UBXN7: variants seen among roughly 807,000 people sequenced by gnomAD.
The protein encoded by UBXN7 is UBX domain-containing protein 7.
Under a neutral mutation model 58.0 loss-of-function variants are expected in UBXN7, and 9 were observed. The observed-to-expected ratio is 0.16, with a 90% CI of 0.09 to 0.27. The LOEUF is 0.27. Ranked by LOEUF, UBXN7 falls within the 10% of genes least tolerant of loss-of-function variation. The probability of loss-of-function intolerance (pLI) is 1.00; values close to 1 mark genes in which losing one functional copy is unlikely to be tolerated. For missense variants in UBXN7, 328 were observed against 599.6 expected (o/e 0.55, Z 4.73); for synonymous variants, 208 against 205.0 (o/e 1.01, Z -0.12).
At chr3:196,410,851 C>T (rs1031158733) in intron 1 of UBXN7, among the ~76,000 whole-genome samples, 1 of 152,094 alleles carries the variant, frequency 6.6e-6, no homozygotes, top group South Asian at 2.1e-4. Flanking sequence ...TAATGGCTTT[C>T]TTCTGCTGCC....
intron 2 of UBXN7, among the ~76,000 whole-genome samples, chr3:196,406,269 G>GCCATCCT (rs1730158030): frequency 6.6e-6 from 1 of 152,052 alleles, no homozygotes; most frequent in Non-Finnish European, 1.5e-5. Context: ...TTGGGCTCAA[G>GCCATCCT]CCATCCTCCT....
At chr3:196,416,249 G>C (rs1730481917) in intron 1 of UBXN7, 1 of 152,136 alleles carries the variant, frequency 6.6e-6, no homozygotes, top group Admixed American at 6.6e-5. Context: ...AGACCAGCCT[G>C]GCCAACATGG....
At chr3:196,431,872 G>A in intron 1 of UBXN7, 2 of 364,762 alleles carry the variant, frequency 5.5e-6, no homozygotes, top group African/African-American at 4.3e-5. Context: ...GGCAGGCCGG[G>A]GACCGGGGCA....
At chr3:196,430,072 G>A (rs1449054088) in intron 1 of UBXN7, among the ~76,000 whole-genome samples, 1 of 152,082 alleles carries the variant, frequency 6.6e-6, no homozygotes, top group South Asian at 2.1e-4. Context: ...GTGGCTTTTA[G>A]GGCCAGGCGC....
At chr3:196,406,195 G>A (rs1039148117) in intron 2 of UBXN7, among the ~76,000 whole-genome samples, 9 of 151,852 alleles carry the variant, frequency 5.9e-5, no homozygotes, top group Non-Finnish European at 1.2e-4. Flanking sequence ...ACCACACCCG[G>A]CTAATTTTTG....
intron 2 of UBXN7, 70 bp downstream of exon 2, chr3:196,407,176 G>T: frequency 6.4e-7 from 1 of 1,566,890 alleles, no homozygotes; most frequent in South Asian, 1.2e-5. Context: ...AATCGACCTA[G>T]CTTTGATAAA....
chr3:196,383,354 A>G (rs1224675186), intron 5 of UBXN7, among the ~76,000 whole-genome samples: 1 of 152,128 alleles, frequency 6.6e-6, no homozygotes, highest in African/African-American at 2.4e-5. Flanking sequence ...TAATGGGAGA[A>G]TTTAACACCC....
chr3:196,367,997 T>C, intron 8 of UBXN7, 31 bp downstream of exon 8: 7 of 1,602,292 alleles, frequency 4.4e-6, no homozygotes, highest in Non-Finnish European at 6.0e-6. Context: ...TTACATTTAT[T>C]TTCCCATCAC....
chr3:196,357,914 T>G (rs1410543920), intron 10 of UBXN7, among the ~76,000 whole-genome samples: 3 of 151,286 alleles, frequency 2.0e-5, no homozygotes, highest in Admixed American at 2.0e-4. Flanking sequence ...GTGCCTGTAG[T>G]CCCAGCTACC....
chr3:196,406,177 C>A (rs1236178931), intron 2 of UBXN7, among the ~76,000 whole-genome samples: 1 of 151,814 alleles, frequency 6.6e-6, no homozygotes, highest in Non-Finnish European at 1.5e-5. Context: ...GGACTACAGT[C>A]GCGTACCACC....
At chr3:196,413,322 G>A (rs1730389117) in intron 1 of UBXN7, among the ~76,000 whole-genome samples, 1 of 152,062 alleles carries the variant, frequency 6.6e-6, no homozygotes, top group Admixed American at 6.6e-5. Context: ...TGGGCAACAA[G>A]AGCGAAACTC....
In UBXN7 at chr3:196,355,649, C is replaced by G. The variant is rs527618608; in HGVS notation, c.*1036G>C. On this transcript the variant is annotated 3_prime_UTR_variant, in exon 11 of 11. Coordinates refer to ENST00000296328, the MANE Select transcript of UBXN7 (RefSeq NM_015562.2). ...AGGGGCAAAAAATGAACCATTATTT[C>G]TAACCAAAAGAACATGGTTAGCAAC... 7.9e-5 allele frequency: 12 copies of G among 152,332 alleles called. No homozygotes were observed. The highest frequency in any genetic ancestry group is 2.9e-4 in the African/African-American group (12 of 41,584). The allele number at this position is 152,332 out of a possible 1,614,324, so 9.4% of individuals were successfully genotyped here.
intron 10 of UBXN7, among the ~76,000 whole-genome samples, chr3:196,357,883 A>G (rs1272365777): frequency 6.6e-6 from 1 of 151,744 alleles, no homozygotes; most frequent in Non-Finnish European, 1.5e-5. Context: ...AAAAATAAAA[A>G]CTAGCCGGGC....
rs140579913 is a variant in UBXN7, at chr3:196,362,499, T to C, written c.1023A>G (p.Val341=). ...ACTTTCTGGACTTGGCAAGATTCTC[T>C]ACCTCTTCTTCTTCATCAGAGCCAC... ...SVCGSDEEEE[V]ENLAKSRKSP... The change falls in exon 9 of 11, where the codon GTA becomes GTG. Residue 341 remains valine (V), a synonymous_variant. Coordinates refer to ENST00000296328, the MANE Select transcript of UBXN7 (RefSeq NM_015562.2). The C allele has an allele frequency of 5.2e-3, 8,367 of 1,614,228 alleles. 316 individuals carry two copies. In the South Asian group the frequency reaches 0.07, roughly 13 times the overall value.
At chr3:196,381,634 T>C (rs1290816023) in intron 5 of UBXN7, among the ~76,000 whole-genome samples, 1 of 152,248 alleles carries the variant, frequency 6.6e-6, no homozygotes, top group Non-Finnish European at 1.5e-5. Flanking sequence ...GGATGGAGAA[T>C]GACTTTGACA....
chr3:196,385,607 G>A (rs1423281588), intron 5 of UBXN7, among the ~76,000 whole-genome samples: 2 of 151,838 alleles, frequency 1.3e-5, no homozygotes, highest in African/African-American at 4.8e-5. Context: ...AAGTGTCTCT[G>A]CCCCGCCGCC....
chr3:196,375,183 CCACACACACACA>C lies in UBXN7; in HGVS notation c.469-3153_469-3142del, dbSNP rs56188527. Among the ~76,000 whole-genome samples the C allele has an allele frequency of 2.1e-3, 298 of 139,810 alleles. 3 individuals carry two copies. The highest frequency in any genetic ancestry group is 1.9e-3 in the African/African-American group (72 of 37,602). The allele number at this position is 139,810 out of a possible 152,430, so 91.7% of individuals were successfully genotyped here. On this transcript the variant is annotated intron_variant, in intron 5 of 10. Transcript: ENST00000296328. ...GAGAGCAGATTATTAGGTGCTCTTA[CCACACACACACA>C]CACACACACACACACACACACACAC...
intron 5 of UBXN7, among the ~76,000 whole-genome samples, chr3:196,389,558 T>G (rs769010120): frequency 1.3e-5 from 2 of 152,180 alleles, no homozygotes; most frequent in Non-Finnish European, 2.9e-5. Flanking sequence ...TAGGTGGTGT[T>G]TGGGTCATGG....
intron 1 of UBXN7, among the ~76,000 whole-genome samples, chr3:196,422,962 CAA>C (rs1241009915): frequency 6.6e-6 from 1 of 152,222 alleles, no homozygotes; most frequent in Non-Finnish European, 1.5e-5. Flanking sequence ...GAATGAATCT[CAA>C]ACACAATAGT....
Sources: allele counts gnomAD v4.1 joint callset (sites outside exome capture counted in the v4.1 genomes callset), GRCh38; gene constraint gnomAD v4.1.1; transcripts MANE v1.5; gene names NCBI Gene and HGNC (gene_info 2026-07-23, HGNC 2026-07-21).